Variants in EDNRA observed in about 807,000 individuals in gnomAD.
EDNRA encodes the protein endothelin receptor type A.
In EDNRA, 11 loss-of-function variants were observed where a neutral mutation model predicts 41.4. The ratio of observed to expected loss-of-function variants is 0.27; its 90% CI spans 0.17 to 0.44. The LOEUF (loss-of-function observed/expected upper bound fraction) is 0.44. Among genes scored for constraint, EDNRA ranks in the 20% least tolerant of loss-of-function variants. The probability of loss-of-function intolerance (pLI) is 1.00; values close to 1 mark genes in which losing one functional copy is unlikely to be tolerated. For synonymous variants in EDNRA, 172 were observed against 183.0 expected, an observed-to-expected ratio of 0.94 and a Z score of 0.49; for missense variants, 294 against 531.0, an observed-to-expected ratio of 0.55 and a Z score of 4.39.
intron 2 of EDNRA, among the ~76,000 whole-genome samples, chr4:147,514,466 TTTTC>T (rs2126438943): frequency 6.6e-6 from 1 of 152,118 alleles, no homozygotes; most frequent in African/African-American, 2.4e-5. Flanking sequence ...GATTTTTTCT[TTTTC>T]TTTTTCTTTT....
chr4:147,540,032 A>G, intron 6 of EDNRA, 82 bp downstream of exon 6: 2 of 1,507,416 alleles, frequency 1.3e-6, no homozygotes, highest in Non-Finnish European at 8.8e-7. Flanking sequence ...CAGCTACTCT[A>G]CATGCCCGTT....
intron 2 of EDNRA, among the ~76,000 whole-genome samples, chr4:147,500,203 G>C (rs1729465845): frequency 1.3e-5 from 2 of 152,066 alleles, no homozygotes; most frequent in African/African-American, 2.4e-5. Flanking sequence ...TGAATTACAA[G>C]ATCATAACTA....
chr4:147,532,753 G>A (rs1274348923), intron 4 of EDNRA, 49 bp downstream of exon 4: 4 of 1,567,664 alleles, frequency 2.6e-6, no homozygotes, highest in Non-Finnish European at 2.6e-6. Context: ...GAGGTCCTCC[G>A]TTAGACTTCA....
At chr4:147,485,373 A>AGAGATGATG (rs1402880619) in intron 1 of EDNRA, among the ~76,000 whole-genome samples, 1 of 152,230 alleles carries the variant, frequency 6.6e-6, no homozygotes, top group African/African-American at 2.4e-5. Flanking sequence ...CGGAGATGAC[A>AGAGATGATG]GAGATGATGG....
intron 2 of EDNRA, among the ~76,000 whole-genome samples, chr4:147,504,566 A>G (rs146201843): frequency 2.5e-3 from 387 of 152,342 alleles, no homozygotes; most frequent in African/African-American, 8.5e-3. Flanking sequence ...GGGATATCTT[A>G]AGGGAAACTC....
intron 3 of EDNRA, among the ~76,000 whole-genome samples, chr4:147,522,729 C>G (rs1730367651): frequency 6.6e-6 from 1 of 152,080 alleles, no homozygotes; most frequent in Non-Finnish European, 1.5e-5. Flanking sequence ...AAAACTCAAA[C>G]CATTGTTGAT....
chr4:147,520,631 T>C (rs571700787), intron 3 of EDNRA, among the ~76,000 whole-genome samples: 4 of 152,350 alleles, frequency 2.6e-5, no homozygotes, highest in African/African-American at 9.6e-5. Context: ...ATTATAAGAA[T>C]GAAATTAGGA....
At position 147,485,615 on chromosome 4, in the gene EDNRA, A is replaced by G; in HGVS notation, c.-67A>G. The G allele has an allele frequency of 1.3e-6, 2 of 1,485,298 alleles. No individual in the cohort carries two copies. The highest frequency in any genetic ancestry group is 2.3e-5 in the East Asian group (1 of 43,550). The allele number at this position is 1,485,298 out of a possible 1,614,324, so 92.0% of individuals were successfully genotyped here. A position where few individuals can be genotyped will look rare whatever the true frequency, so the allele number is the denominator to read the frequency against. On this transcript the variant is annotated 5_prime_UTR_variant, in exon 2 of 8. Transcript: ENST00000651419. ...ATTATTTTTCCTTTTGTTTCAGGTG[A>G]AAAAAAAGTGAAGGTGTAAAAGCAG...
At position 147,542,160 on chromosome 4, in the gene EDNRA, C is replaced by G. The variant is rs531448789; in HGVS notation, c.1144-318C>G. ...GTGCACACTGAAGAAACGCTAGGAC[C>G]CCCCCACCAGCCCAGCCCTACCCGT... On this transcript the variant is annotated intron_variant, in intron 7 of 7. Transcript: ENST00000651419. Among the ~76,000 whole-genome samples, 3 of 152,210 alleles carry G rather than the reference C, an allele frequency of 2.0e-5. No homozygotes were observed. The South Asian group carries it at 6.2e-4, about 32-fold the overall frequency.
intron 4 of EDNRA, among the ~76,000 whole-genome samples, 190 bp downstream of exon 4, chr4:147,532,894 C>T (rs576949821): frequency 3.0e-4 from 45 of 152,290 alleles, no homozygotes; most frequent in Non-Finnish European, 5.4e-4. Flanking sequence ...TGCTGGCTTT[C>T]ACTCTTGTAT....
intron 2 of EDNRA, among the ~76,000 whole-genome samples, chr4:147,508,302 C>A (rs2126425978): frequency 6.6e-6 from 1 of 152,260 alleles, no homozygotes; most frequent in South Asian, 2.1e-4. Context: ...CCACGCCTGG[C>A]TAATTTTTGT....
At chr4:147,516,946 G>A (rs1730135248) in intron 2 of EDNRA, among the ~76,000 whole-genome samples, 1 of 151,532 alleles carries the variant, frequency 6.6e-6, no homozygotes, top group East Asian at 1.9e-4. Context: ...TCATAATGGA[G>A]TACTAAAAGA....
At chr4:147,512,398 C>A (rs541772866) in intron 2 of EDNRA, among the ~76,000 whole-genome samples, 1 of 152,152 alleles carries the variant, frequency 6.6e-6, no homozygotes, top group Non-Finnish European at 1.5e-5. Flanking sequence ...TTATTAACAT[C>A]TATGTATTTC....
chr4:147,483,162 A>C (rs2126363245), intron 1 of EDNRA, among the ~76,000 whole-genome samples: 1 of 152,280 alleles, frequency 6.6e-6, no homozygotes, highest in Admixed American at 6.5e-5. Context: ...TTTTGGCCAG[A>C]TACTCACTCC....
chr4:147,532,987 GTGTGTGTGTGTGTGTGTA>G (rs1182708586), intron 4 of EDNRA, among the ~76,000 whole-genome samples: 2 of 123,616 alleles, frequency 1.6e-5, no homozygotes, highest in East Asian at 2.1e-4. Flanking sequence ...GGGACTAGAT[GTGTGTGTGTGTGTGTGTA>G]TGTGTGTGTG....
rs1728957729 is a variant in EDNRA at position 147,486,684 on chromosome 4, G to A, written c.420+583G>A. 6.6e-6 allele frequency among the ~76,000 whole-genome samples: 1 copy of A among 152,188 alleles called. No homozygotes were observed. Among genetic ancestry groups the A allele is most frequent in the African/African-American group, 2.4e-5 (1 of 41,448 alleles). On this transcript the variant is annotated intron_variant, in intron 2 of 7. Transcript: ENST00000651419. The surrounding 1 kb of genome is among the most constrained non-coding windows in gnomAD (Gnocchi z 4.3). Reference sequence around the variant, plus strand: ...ATAGCAGGCCACTGTTGACCTTGCTGAGCAGCATTACTAACTAATACCACT... The same window carrying A: ...ATAGCAGGCCACTGTTGACCTTGCTAAGCAGCATTACTAACTAATACCACT...
chr4:147,538,482 T>C (rs1730988596), intron 5 of EDNRA, among the ~76,000 whole-genome samples: 1 of 152,218 alleles, frequency 6.6e-6, no homozygotes, highest in African/African-American at 2.4e-5. Flanking sequence ...AATATCAGAC[T>C]ATCATGGCAG....
At chr4:147,506,165 G>A (rs1298692806) in intron 2 of EDNRA, 3 of 528,032 alleles carry the variant, frequency 5.7e-6, no homozygotes, top group South Asian at 1.4e-5. Flanking sequence ...GGATTGCCAA[G>A]ACTCAAGGAA....
chr4:147,499,515 T>C (rs1729435358), intron 2 of EDNRA, among the ~76,000 whole-genome samples: 1 of 152,252 alleles, frequency 6.6e-6, no homozygotes, highest in South Asian at 2.1e-4. Context: ...TCGATTTATG[T>C]TAGTAAACAT....
Sources: allele counts gnomAD v4.1 joint callset (sites outside exome capture counted in the v4.1 genomes callset), GRCh38; gene constraint gnomAD v4.1.1; non-coding constraint Gnocchi (gnomAD v3.1); transcripts MANE v1.5; gene names NCBI Gene and HGNC (gene_info 2026-07-23, HGNC 2026-07-21).